NDST2: variants seen among roughly 807,000 people sequenced by gnomAD.
The protein encoded by NDST2 is N-deacetylase and N-sulfotransferase 2.
Under a neutral mutation model 86.9 loss-of-function variants are expected in NDST2, and 32 were observed. The observed-to-expected ratio is 0.37, with a 90% CI of 0.28 to 0.49. NDST2 has a LOEUF of 0.49. NDST2 is among the 20% of genes least tolerant of loss of function. NDST2 has a pLI of 0.97. For synonymous variants in NDST2, 409 were observed against 437.0 expected (o/e 0.94, Z 0.80); for missense variants, 950 against 1,146.9 (o/e 0.83, Z 2.48).
rs1000396056 is a variant in NDST2 at position 73,811,563 on chromosome 10, G to C, written c.-536C>G. 6.6e-6 allele frequency: 1 copy of C among 152,170 alleles called. No homozygotes were observed. Among genetic ancestry groups the C allele is most frequent in the Non-Finnish European group, 1.5e-5 (1 of 68,022 alleles). 9.4% of individuals were successfully genotyped at this position (152,170 alleles called of 1,614,324 possible). A position where few individuals can be genotyped will look rare whatever the true frequency, so the allele number is the denominator to read the frequency against. ...CCCTGCTTTCGGGGCCACGGGCCGC[G>C]TCGCGGCTGCTCCGCCATCTCCGAG... On this transcript the variant is annotated 5_prime_UTR_variant, in exon 1 of 15. Coordinates refer to ENST00000309979, the MANE Select transcript of NDST2 (RefSeq NM_003635.4).
At chr10:73,805,388 C>G (rs890290126) in intron 8 of NDST2, among the ~76,000 whole-genome samples, 199 bp downstream of exon 8, 1 of 151,936 alleles carries the variant, frequency 6.6e-6, no homozygotes, top group Non-Finnish European at 1.5e-5. Context: ...GTGGCGGGTG[C>G]GTGTAATCCC....
intron 11 of NDST2, 33 bp downstream of exon 11, chr10:73,803,541 C>T (rs749487584): frequency 1.5e-6 from 2 of 1,365,690 alleles, no homozygotes; most frequent in Admixed American, 3.7e-5. Context: ...TCCCCCCAAC[C>T]TTTAGCCTGT....
In NDST2 at chr10:73,803,094, G is replaced by T; in HGVS notation, c.2314-13C>A. 1 of 1,614,158 alleles carries T rather than the reference G, an allele frequency of 6.2e-7. No individual in the cohort carries two copies. The highest frequency in any genetic ancestry group is 8.5e-7 in the Non-Finnish European group (1 of 1,179,998). ...CCACAATCAGCAACTAAAAGGACAG[G>T]GATGTGGTTCCCTCTATATTCCTAA... is the stretch of plus-strand genomic sequence containing the variant. On this transcript the variant is annotated splice_polypyrimidine_tract_variant and intron_variant, in intron 12 of 14. Transcript: ENST00000309979.
At position 73,807,623 on chromosome 10, in the gene NDST2, C is replaced by A; in HGVS notation, c.766G>T (p.Val256Phe). 1 of 1,614,248 alleles carries A rather than the reference C, an allele frequency of 6.2e-7. No individual in the cohort carries two copies. The highest frequency in any genetic ancestry group is 8.5e-7 in the Non-Finnish European group (1 of 1,180,046). The change falls in exon 3 of 15, where the codon GTT becomes TTT. Residue 256 changes from valine to phenylalanine, a missense_variant. Physicochemically the swap from Val to Phe is conservative, Grantham distance 50. Coordinates refer to ENST00000309979, the MANE Select transcript of NDST2 (RefSeq NM_003635.4). ...GTGGGAAGCCGGGCCCGACGAAGAA[C>A]TGGTCCTGGCACTGCGGGCTCAGCT... is the stretch of plus-strand genomic sequence containing the variant. ...RPAEPAVPGP[V>F]LRRARLPTVV...
chr10:73,804,689 A>T, intron 9 of NDST2, 84 bp downstream of exon 9: 1 of 772,618 alleles, frequency 1.3e-6, no homozygotes. Context: ...TCCTGTGATT[A>T]CCTGGAGAGA....
In NDST2 at chr10:73,808,204, C is replaced by G; in HGVS notation, c.185G>C (p.Gly62Ala). 1 of 1,613,596 alleles carries G rather than the reference C, an allele frequency of 6.2e-7. No individual in the cohort carries two copies. The highest frequency in any genetic ancestry group is 8.5e-7 in the Non-Finnish European group (1 of 1,179,742). The change falls in exon 3 of 15, where the codon GGT (glycine) becomes GCT (alanine). Residue 62 changes from glycine to alanine, a missense_variant. By Grantham distance (60) the Gly-to-Ala change is moderately conservative (BLOSUM62 0). This residue lies in a region of NDST2 where 586 missense variants were observed against 714.0 expected (regional missense o/e 0.82). Transcript: ENST00000309979. This position sits in a 1 kb window ranked among gnomAD's most constrained non-coding sequence, Gnocchi z 4.3. ...AACTGGAGGCCGTGCAGGGCCAGGA[C>G]CAGCTGCCCCACCGCTGCTGCAGTC... ...LGDCSSGGAA[G>A]PGPARPPVPP...
chr10:73,803,482 C>T (rs2084041364), intron 11 of NDST2, 92 bp downstream of exon 11: 14 of 1,555,640 alleles, frequency 9.0e-6, no homozygotes, highest in South Asian at 1.2e-5. Context: ...TTAAGTTTCT[C>T]AAACCTCACT....
chr10:73,806,963 C>G lies in NDST2; in HGVS notation c.1093+145G>C. The G allele has an allele frequency of 6.9e-7, 1 of 1,455,434 alleles. No homozygotes were observed. 90.2% of individuals were successfully genotyped at this position (1,455,434 alleles called of 1,614,324 possible). A position where few individuals can be genotyped will look rare whatever the true frequency, so the allele number is the denominator to read the frequency against. On this transcript the variant is annotated intron_variant, in intron 4 of 14. Transcript: ENST00000309979. The surrounding 1 kb of genome is among the most constrained non-coding windows in gnomAD (Gnocchi z 4.5). ...CTTGCCATCCAGCCACCCATGCGAA[C>G]CTAAATTCATGCCCACCACTAGCTC... is the stretch of plus-strand genomic sequence containing the variant.
chr10:73,808,473 G>T lies in NDST2; in HGVS notation c.-85C>A. 1 of 1,341,790 alleles carries T rather than the reference G, an allele frequency of 7.5e-7. No individual in the cohort carries two copies. The highest frequency in any genetic ancestry group is 1.0e-6 in the Non-Finnish European group (1 of 997,844). 83.1% of individuals were successfully genotyped at this position (1,341,790 alleles called of 1,614,324 possible). On this transcript the variant is annotated 5_prime_UTR_variant, in exon 3 of 15. Coordinates refer to ENST00000309979, the MANE Select transcript of NDST2 (RefSeq NM_003635.4). This position sits in a 1 kb window ranked among gnomAD's most constrained non-coding sequence, Gnocchi z 4.3. ...TCTATAGGCTAGGACTGTCTTGGAA[G>T]GGTAGAAGGATAGGAAAATAGGGGA...
chr10:73,803,437 C>G, intron 11 of NDST2, 78 bp from the exon 12 acceptor site: 1 of 1,568,824 alleles, frequency 6.4e-7, no homozygotes, highest in Non-Finnish European at 8.8e-7. Flanking sequence ...TGGAGACAGA[C>G]AGCACAGCAC....
intron 4 of NDST2, 28 bp downstream of exon 4, chr10:73,807,080 T>C (rs1289730485): frequency 3.1e-6 from 5 of 1,596,616 alleles, no homozygotes; most frequent in East Asian, 2.2e-5. Flanking sequence ...AACTATGATA[T>C]GCCAAAGGAG....
At chr10:73,803,382 G>A (rs2084038316) in intron 11 of NDST2, 23 bp from the exon 12 acceptor site, 1 of 1,613,576 alleles carries the variant, frequency 6.2e-7, no homozygotes, top group African/African-American at 1.3e-5. Flanking sequence ...GAGAAGGAAG[G>A]TGAAGGACTG....
Position 73,802,087 on chromosome 10 carries a change from C to A in NDST2, c.*364G>T. ...AAGGGGCCATAGCAAGGGGTCCCTC[C>A]CATGCAAGGGGTCTCTCCCATAGCC... On this transcript the variant is annotated 3_prime_UTR_variant, in exon 15 of 15. Transcript: ENST00000309979. 1 of 372,962 alleles carries A rather than the reference C, an allele frequency of 2.7e-6. No homozygotes were observed. The allele number at this position is 372,962 out of a possible 1,614,324, so 23.1% of individuals were successfully genotyped here.
chr10:73,811,045 G>GCCGGGC (rs1266549693), intron 1 of NDST2, 142 bp from the exon 2 acceptor site: 3 of 390,296 alleles, frequency 7.7e-6, no homozygotes, highest in Non-Finnish European at 1.4e-5. Context: ...GGGGGCCGGG[G>GCCGGGC]CCGGGCCCGG....
At position 73,806,977 on chromosome 10, in the gene NDST2, C is replaced by T; in HGVS notation, c.1093+131G>A. The T allele has an allele frequency of 7.1e-7, 1 of 1,400,682 alleles. No individual in the cohort carries two copies. Among genetic ancestry groups the T allele is most frequent in the Non-Finnish European group, 1.0e-6 (1 of 999,828 alleles). 86.8% of individuals were successfully genotyped at this position (1,400,682 alleles called of 1,614,324 possible). A position where few individuals can be genotyped will look rare whatever the true frequency, so the allele number is the denominator to read the frequency against. On this transcript the variant is annotated intron_variant, in intron 4 of 14. Coordinates refer to ENST00000309979, the MANE Select transcript of NDST2 (RefSeq NM_003635.4). The surrounding 1 kb of genome is among the most constrained non-coding windows in gnomAD (Gnocchi z 4.5). ...ACCCATGCGAACCTAAATTCATGCC[C>T]ACCACTAGCTCCTCACAGCAGTCTG...
In NDST2 at chr10:73,808,915, C is replaced by T. The variant is rs142541270; in HGVS notation, c.-341-186G>A. Reference sequence around the variant, plus strand: ...TATACCTTAGCTTCACAGCTTGTTCCCTTTCCCTTTCTTAGAATACCCAAA... The same window carrying T: ...TATACCTTAGCTTCACAGCTTGTTCTCTTTCCCTTTCTTAGAATACCCAAA... On this transcript the variant is annotated intron_variant, in intron 2 of 14. Coordinates refer to ENST00000309979, the MANE Select transcript of NDST2 (RefSeq NM_003635.4). This position sits in a 1 kb window ranked among gnomAD's most constrained non-coding sequence, Gnocchi z 4.3. 307 of 153,692 alleles carry T rather than the reference C, an allele frequency of 2.0e-3. 1 individual carries two copies. The highest frequency in any genetic ancestry group is 3.0e-3 in the Non-Finnish European group (205 of 69,132). 9.5% of individuals were successfully genotyped at this position (153,692 alleles called of 1,614,324 possible).
Position 73,802,655 on chromosome 10 carries a change from T to G in NDST2, c.2526+19A>C, listed in dbSNP as rs116426418. On this transcript the variant is annotated intron_variant, in intron 14 of 14. Transcript: ENST00000309979. Reference sequence around the variant, plus strand: ...TCCTGGAAGTGGAGAGGGATTCCCCTGCCCCTGGCTTTACTTACCTCAGTG... The same window carrying G: ...TCCTGGAAGTGGAGAGGGATTCCCCGGCCCCTGGCTTTACTTACCTCAGTG... 6.2e-7 allele frequency: 1 copy of G among 1,614,082 alleles called. No individual in the cohort carries two copies. Among genetic ancestry groups the G allele is most frequent in the East Asian group, 2.2e-5 (1 of 44,886 alleles).
At chr10:73,802,941 A>G (rs1480288273) in intron 13 of NDST2, 31 bp downstream of exon 13, 2 of 1,600,916 alleles carry the variant, frequency 1.2e-6, no homozygotes, top group Admixed American at 1.7e-5. Flanking sequence ...TTTCCCATAC[A>G]GTACTCCTCC....
In NDST2 at chr10:73,808,124, C is replaced by T. The variant is rs766709551; in HGVS notation, c.265G>A (p.Val89Met). 10 of 1,614,236 alleles carry T rather than the reference C, an allele frequency of 6.2e-6. No individual in the cohort carries two copies. The East Asian group carries it at 2.0e-4, about 32-fold the overall frequency. The change falls in exon 3 of 15, where the codon GTG becomes ATG. Residue 89 changes from valine to methionine, a missense_variant. By Grantham distance (21) the Val-to-Met change is conservative. Around this residue, in one of 5 missense-constraint regions of NDST2, gnomAD observed 586 missense variants for 714.0 expected, o/e 0.82. Coordinates refer to ENST00000309979, the MANE Select transcript of NDST2 (RefSeq NM_003635.4). This position sits in a 1 kb window ranked among gnomAD's most constrained non-coding sequence, Gnocchi z 4.3. ...ETARTEPVVL[V>M]FVESAYSQLG... ...TGTGAGTATGCACTCTCCACAAACA[C>T]AAGGACCACGGGTTCAGTTCGAGCT...
Sources: allele counts gnomAD v4.1 joint callset (sites outside exome capture counted in the v4.1 genomes callset), GRCh38; gene constraint gnomAD v4.1.1; regional missense constraint gnomAD v4.1.1; non-coding constraint Gnocchi (gnomAD v3.1); transcripts MANE v1.5; gene names NCBI Gene and HGNC (gene_info 2026-07-23, HGNC 2026-07-21).